Variants in GTSE1 observed in about 807,000 individuals in gnomAD.
GTSE1 encodes G2 and S-phase expressed 1.
Under a neutral mutation model 60.5 loss-of-function variants are expected in GTSE1, and 52 were observed. The ratio of observed to expected loss-of-function variants is 0.86; its 90% confidence interval spans 0.69 to 1.08. The LOEUF (loss-of-function observed/expected upper bound fraction) is 1.08. Ranked by LOEUF, GTSE1 falls within the 50% of genes least tolerant of loss-of-function variation. The pLI, the probability that GTSE1 is intolerant of heterozygous loss-of-function variation, is 0.00. For synonymous variants in GTSE1, 368 were observed against 386.5 expected (o/e 0.95, Z 0.56); for missense variants, 937 against 961.8 (o/e 0.97, Z 0.34).
In GTSE1 at chr22:46,326,354, A is replaced by G. The variant is rs559391228; in HGVS notation, c.1506-82A>G. On this transcript the variant is annotated intron_variant, in intron 8 of 11. Transcript: ENST00000454366. ...CTGGGCTGAAACCAAAGCCCTCAGCACTGCATTAGCACAGGCTGAATGATG... is the reference window on the plus strand; with the variant it reads ...CTGGGCTGAAACCAAAGCCCTCAGCGCTGCATTAGCACAGGCTGAATGATG... 8.5e-6 allele frequency: 10 copies of G among 1,170,046 alleles called. No individual in the cohort carries two copies. The Admixed American group carries it at 1.3e-4, about 15-fold the overall frequency. 72.5% of individuals were successfully genotyped at this position (1,170,046 alleles called of 1,614,324 possible).
chr22:46,326,511 G>T lies in GTSE1; in HGVS notation c.1581G>T (p.Val527=), dbSNP rs990387296. 1.2e-6 allele frequency: 2 copies of T among 1,614,084 alleles called. No homozygotes were observed. Among genetic ancestry groups the T allele is most frequent in the African/African-American group, 1.3e-5 (1 of 75,074 alleles). ...AAAGCCTGCTGAGCGCATGGCGTGTGTCAGCCTTGCCCACACCCGCCAGCC... is the reference window on the plus strand; with the variant it reads ...AAAGCCTGCTGAGCGCATGGCGTGTTTCAGCCTTGCCCACACCCGCCAGCC... ...APQSLLSAWR[V]SALPTPASRR... The change falls in exon 9 of 12, where the codon GTG becomes GTT. Residue 527 remains valine (V), a synonymous_variant. Transcript: ENST00000454366.
At chr22:46,305,118 CTG>C (rs755832613) in intron 2 of GTSE1, among the ~76,000 whole-genome samples, 36 of 152,228 alleles carry the variant, frequency 2.4e-4, no homozygotes, top group Admixed American at 4.6e-4. Context: ...TTTTAATCCT[CTG>C]GAGTGATGTA....
intron 8 of GTSE1, among the ~76,000 whole-genome samples, 153 bp from the exon 9 acceptor site, chr22:46,326,283 T>C (rs1333883056): frequency 1.3e-5 from 2 of 152,168 alleles, no homozygotes; most frequent in African/African-American, 4.8e-5. Flanking sequence ...CCTTGGGGCC[T>C]GTCCCAGGAG....
chr22:46,308,267 C>G, intron 3 of GTSE1, 52 bp from the exon 4 acceptor site: 1 of 1,606,146 alleles, frequency 6.2e-7, no homozygotes, highest in Non-Finnish European at 8.5e-7. Context: ...AAAGTCTTTC[C>G]TTTAAATGCC....
At position 46,329,519 on chromosome 22, in the gene GTSE1, T is replaced by C; in HGVS notation, c.2088T>C (p.Thr696=). 2 of 1,613,984 alleles carry C rather than the reference T, an allele frequency of 1.2e-6. No individual in the cohort carries two copies. Among genetic ancestry groups the C allele is most frequent in the Non-Finnish European group, 1.7e-6 (2 of 1,179,992 alleles). ...SRPLIDLMTN[T]PDMNKNVAKP... ...CTCTGATCGACCTCATGACAAACAC[T>C]CCAGACATGAATAAAAATGTGGCCA... Residue 696 remains threonine (T), a synonymous_variant, in exon 11 of 12, where the codon ACT becomes ACC. Transcript: ENST00000454366. The surrounding 1 kb of genome is among the most constrained non-coding windows in gnomAD (Gnocchi z 6.4).
chr22:46,315,591 T>G (rs542901932), intron 6 of GTSE1, among the ~76,000 whole-genome samples: 1 of 152,356 alleles, frequency 6.6e-6, no homozygotes, highest in African/African-American at 2.4e-5. Flanking sequence ...TTTTAAATAG[T>G]GCTTATGGTT....
rs1006872925 is a variant in GTSE1 at position 46,323,198 on chromosome 22, C to T, written c.1441C>T (p.Pro481Ser). 4 of 1,613,198 alleles carry T rather than the reference C, an allele frequency of 2.5e-6. No homozygotes were observed. The highest frequency in any genetic ancestry group is 2.5e-6 in the Non-Finnish European group (3 of 1,179,064). The change falls in exon 8 of 12, where the codon CCG (proline) becomes TCG (serine). Residue 481 changes from proline to serine, a missense_variant. Coordinates refer to ENST00000454366, the MANE Select transcript of GTSE1 (RefSeq NM_016426.7). Reference protein sequence around the residue: ...KIPKFSIGDSPDSSTPKLSRA... With the variant: ...KIPKFSIGDSSDSSTPKLSRA... ...TCCTTTCTTGGACTTAGGTGACTCC[C>T]CGGACAGCTCAACACCAAAGCTTTC...
At position 46,330,484 on chromosome 22, in the gene GTSE1, G is replaced by GA. The variant is rs200200417; in HGVS notation, c.*367dup. ...GGCACCAATGTGAGAACCTGTCTTG[G>GA]AAAAAAAAAAAAAGAAACATGTTTT... On this transcript the variant is annotated 3_prime_UTR_variant, in exon 12 of 12. Coordinates refer to ENST00000454366, the MANE Select transcript of GTSE1 (RefSeq NM_016426.7). This position sits in a 1 kb window ranked among gnomAD's most constrained non-coding sequence, Gnocchi z 6.0. 848 of 148,210 alleles carry GA rather than the reference G, an allele frequency of 5.7e-3. No homozygotes were observed. Among genetic ancestry groups the GA allele is most frequent in the South Asian group, 9.3e-3 (48 of 5,152 alleles). 9.2% of individuals were successfully genotyped at this position (148,210 alleles called of 1,614,324 possible).
chr22:46,317,429 G>T lies in GTSE1; in HGVS notation c.1432+1017G>T. Among the ~76,000 whole-genome samples the T allele has an allele frequency of 6.6e-6, 1 of 152,000 alleles. No individual in the cohort carries two copies. Among genetic ancestry groups the T allele is most frequent in the East Asian group, 1.9e-4 (1 of 5,196 alleles). On this transcript the variant is annotated intron_variant, in intron 7 of 11. Transcript: ENST00000454366. The surrounding 1 kb of genome is among the most constrained non-coding windows in gnomAD (Gnocchi z 5.6). ...TACTTGGGTTTTCTTTTACATCCTC[G>T]TGAGCAAATTGATAATGGTTTTAGG...
chr22:46,303,960 C>T (rs76688525), intron 2 of GTSE1, among the ~76,000 whole-genome samples: 1,709 of 152,256 alleles, frequency 0.011, 11 homozygotes, highest in Admixed American at 0.02. Flanking sequence ...AGGGCCCCAG[C>T]CTACCCCTCT....
intron 9 of GTSE1, among the ~76,000 whole-genome samples, chr22:46,328,417 G>A (rs951251289): frequency 3.9e-5 from 6 of 152,198 alleles, no homozygotes; most frequent in African/African-American, 7.2e-5. Flanking sequence ...ACGGGCGTGC[G>A]CATTACCTTG....
At chr22:46,305,263 A>G (rs1030342410) in intron 2 of GTSE1, among the ~76,000 whole-genome samples, 1 of 152,160 alleles carries the variant, frequency 6.6e-6, no homozygotes, top group Non-Finnish European at 1.5e-5. Flanking sequence ...AAGTATTAAG[A>G]TTTTCCCTGT....
In GTSE1 at chr22:46,312,165, C is replaced by G; in HGVS notation, c.787C>G (p.Pro263Ala). 6.2e-7 allele frequency: 1 copy of G among 1,613,726 alleles called. No homozygotes were observed. Among genetic ancestry groups the G allele is most frequent in the South Asian group, 1.1e-5 (1 of 91,042 alleles). ...GCCCAAGAAAGAGATTCCAGCTAGT[C>G]CTTCCAGGACAAAAATCCCAGCTGA... The part of the protein sequence containing the change: ...EKPKKEIPAS[P>A]SRTKIPAEKE... Residue 263 changes from proline to alanine, a missense_variant, in exon 5 of 12, where the codon CCT (proline) becomes GCT (alanine). Coordinates refer to ENST00000454366, the MANE Select transcript of GTSE1 (RefSeq NM_016426.7).
chr22:46,302,040 G>A (rs1478636649), intron 2 of GTSE1, among the ~76,000 whole-genome samples: 1 of 152,198 alleles, frequency 6.6e-6, no homozygotes, highest in East Asian at 1.9e-4. Context: ...CAGGAGAATC[G>A]CTTGAACCCA....
chr22:46,324,228 T>G lies in GTSE1; in HGVS notation c.1505+966T>G, dbSNP rs1358156712. Among the ~76,000 whole-genome samples the G allele has an allele frequency of 6.6e-6, 1 of 152,190 alleles. No individual in the cohort carries two copies. Among genetic ancestry groups the G allele is most frequent in the Non-Finnish European group, 1.5e-5 (1 of 68,024 alleles). On this transcript the variant is annotated intron_variant, in intron 8 of 11. Transcript: ENST00000454366. This position sits in a 1 kb window ranked among gnomAD's most constrained non-coding sequence, Gnocchi z 5.2. ...TGCTGCGCATGGTGCCATGCTAAGCTGCCGTCCCTCCCATGCATGGTGGTG... is the reference window on the plus strand; with the variant it reads ...TGCTGCGCATGGTGCCATGCTAAGCGGCCGTCCCTCCCATGCATGGTGGTG...
chr22:46,323,154 C>G lies in GTSE1; in HGVS notation c.1433-36C>G, dbSNP rs769973386. On this transcript the variant is annotated intron_variant, in intron 7 of 11. Transcript: ENST00000454366. Reference sequence around the variant, plus strand: ...CCAACAGTAGGTCTCCCCCTGATCACTTTACCTGACCGCACACTTCCTTTC... The same window carrying G: ...CCAACAGTAGGTCTCCCCCTGATCAGTTTACCTGACCGCACACTTCCTTTC... The G allele has an allele frequency of 1.6e-5, 24 of 1,467,488 alleles. 1 individual carries two copies. In the South Asian group the frequency reaches 2.7e-4, roughly 17 times the overall value. The allele number at this position is 1,467,488 out of a possible 1,614,324, so 90.9% of individuals were successfully genotyped here.
Position 46,320,889 on chromosome 22 carries a change from C to G in GTSE1, c.1433-2301C>G. On this transcript the variant is annotated intron_variant, in intron 7 of 11. Transcript: ENST00000454366. This position sits in a 1 kb window ranked among gnomAD's most constrained non-coding sequence, Gnocchi z 7.1. ...TGAGGGTGTCAGGAGATGGCTTGTT[C>G]GTGTTCTGTTTCATAAGAATGACCT... is the stretch of plus-strand genomic sequence containing the variant. 6.6e-6 allele frequency among the ~76,000 whole-genome samples: 1 copy of G among 151,978 alleles called. No homozygotes were observed. The highest frequency in any genetic ancestry group is 1.5e-5 in the Non-Finnish European group (1 of 67,992).
chr22:46,307,602 C>G (rs1292332255), intron 2 of GTSE1, among the ~76,000 whole-genome samples: 1 of 151,998 alleles, frequency 6.6e-6, no homozygotes, highest in East Asian at 1.9e-4. Context: ...CTCCTGGGTT[C>G]AAGCGATTCT....
At chr22:46,307,628 G>A (rs756397213) in intron 2 of GTSE1, among the ~76,000 whole-genome samples, 7 of 151,862 alleles carry the variant, frequency 4.6e-5, no homozygotes, top group Non-Finnish European at 7.4e-5. Flanking sequence ...CTCAGCCTCC[G>A]AGTAGCTGGG....
Sources: gnomAD v4.1 joint callset for allele counts (sites outside exome capture counted in the v4.1 genomes callset) on GRCh38, gnomAD v4.1.1 for gene constraint, Gnocchi (gnomAD v3.1) non-coding constraint, MANE v1.5 for transcripts, NCBI Gene and HGNC (gene_info 2026-07-23, HGNC 2026-07-21) for gene names.